The following RYR2 variants were observed in gnomAD, a reference collection of about 807,000 sequenced individuals.
RYR2 encodes the protein cardiac muscle ryanodine receptor-calcium release channel.
Under a neutral mutation model 601.1 loss-of-function variants are expected in RYR2, and 227 were observed. The ratio of observed to expected loss-of-function variants is 0.38; its 90% CI spans 0.34 to 0.42. The LOEUF is 0.42. Ranked by LOEUF, RYR2 falls within the 10% of genes least tolerant of loss-of-function variation. RYR2 has a pLI of 1.00. For missense variants in RYR2, 4,646 were observed against 6,156.5 expected (o/e 0.75, Z 8.21); for synonymous variants, 2,223 against 2,175.1 (o/e 1.02, Z -0.61).
intron 14 of RYR2, among the ~76,000 whole-genome samples, chr1:237,453,111 G>T (rs1040908505): frequency 6.6e-6 from 1 of 151,862 alleles, no homozygotes; most frequent in African/African-American, 2.4e-5. Flanking sequence ...GAGTTAATGG[G>T]GTAAAATGTT....
chr1:237,627,691 C>A, intron 40 of RYR2, 116 bp from the exon 41 acceptor site: 1 of 1,086,404 alleles, frequency 9.2e-7, no homozygotes, highest in Non-Finnish European at 1.3e-6. Context: ...AGAGCCTTTT[C>A]AAGCCTGGTA....
chr1:237,584,043 C>T (rs1453161324), intron 29 of RYR2, among the ~76,000 whole-genome samples: 2 of 152,214 alleles, frequency 1.3e-5, no homozygotes, highest in African/African-American at 4.8e-5. Context: ...ATTTAAGATC[C>T]ACTGCCAGAA....
intron 2 of RYR2, among the ~76,000 whole-genome samples, chr1:237,277,092 G>A (rs1690365921): frequency 6.6e-6 from 1 of 152,058 alleles, no homozygotes; most frequent in African/African-American, 2.4e-5. Context: ...GTTATTCCAG[G>A]AATCCAAGAA....
At chr1:237,088,880 A>G (rs986352125) in intron 1 of RYR2, among the ~76,000 whole-genome samples, 38 of 152,198 alleles carry the variant, frequency 2.5e-4, no homozygotes, top group Admixed American at 1.2e-3. Flanking sequence ...CAGAGACAAC[A>G]TTTTATTTAA....
chr1:237,821,405 G>A (rs537119707), intron 101 of RYR2, among the ~76,000 whole-genome samples: 57 of 152,262 alleles, frequency 3.7e-4, no homozygotes, highest in African/African-American at 1.3e-3. Flanking sequence ...TGGACCTCCA[G>A]CAAACTCCAG....
At chr1:237,185,035 A>G (rs1450236939) in intron 1 of RYR2, among the ~76,000 whole-genome samples, 1 of 151,970 alleles carries the variant, frequency 6.6e-6, no homozygotes, top group Non-Finnish European at 1.5e-5. Flanking sequence ...ACACCTGGCT[A>G]ATCTTATTTT....
chr1:237,672,292 C>T (rs998591679), intron 58 of RYR2, among the ~76,000 whole-genome samples: 39 of 152,104 alleles, frequency 2.6e-4, no homozygotes, highest in Non-Finnish European at 5.3e-4. Flanking sequence ...CTTTCTCTCC[C>T]CACTTCCCCC....
chr1:237,783,635 G>C lies in RYR2; in HGVS notation c.11963-40G>C, dbSNP rs1377014493. ...TATCTTCTGTATGATCACTGATTTT[G>C]TTAGTTTATTTTAAACAAATGCAAC... On this transcript the variant is annotated intron_variant, in intron 89 of 104. Coordinates refer to ENST00000366574, the MANE Select transcript of RYR2 (RefSeq NM_001035.3). 4 of 1,275,280 alleles carry C rather than the reference G, an allele frequency of 3.1e-6. No individual in the cohort carries two copies. In the Middle Eastern group the frequency reaches 5.7e-4, roughly 182 times the overall value. 79.0% of individuals were successfully genotyped at this position (1,275,280 alleles called of 1,614,324 possible). A position where few individuals can be genotyped will look rare whatever the true frequency, so the allele number is the denominator to read the frequency against.
intron 51 of RYR2, 145 bp downstream of exon 51, chr1:237,651,646 A>G: frequency 3.4e-6 from 2 of 587,722 alleles, no homozygotes; most frequent in Non-Finnish European, 6.1e-6. Flanking sequence ...AAGTTATAGG[A>G]ATGTATACAT....
At chr1:237,671,943 T>C (rs2148899439) in intron 58 of RYR2, among the ~76,000 whole-genome samples, 1 of 152,280 alleles carries the variant, frequency 6.6e-6, no homozygotes, top group South Asian at 2.1e-4. Context: ...TTTTTACTGT[T>C]TAGTATGAAT....
At chr1:237,157,049 A>C (rs1243111973) in intron 1 of RYR2, among the ~76,000 whole-genome samples, 1 of 152,136 alleles carries the variant, frequency 6.6e-6, no homozygotes, top group Non-Finnish European at 1.5e-5. Context: ...TAATCCCAGC[A>C]CTTTGGGAGG....
At chr1:237,090,825 T>A (rs1666876184) in intron 1 of RYR2, among the ~76,000 whole-genome samples, 3 of 152,016 alleles carry the variant, frequency 2.0e-5, no homozygotes, top group Admixed American at 2.0e-4. Context: ...GGGCCAAGGG[T>A]TTCAAGAGGA....
chr1:237,722,860 C>A (rs1214044938), intron 73 of RYR2, among the ~76,000 whole-genome samples: 1 of 151,252 alleles, frequency 6.6e-6, no homozygotes, highest in Admixed American at 6.6e-5. Context: ...GCATAGTTAC[C>A]TTTTGCCTGT....
Position 237,654,269 on chromosome 1 carries a change from C to T in RYR2, c.7825-5C>T, listed in dbSNP as rs1288446861. 7 of 1,612,978 alleles carry T rather than the reference C, an allele frequency of 4.3e-6. No individual in the cohort carries two copies. Among genetic ancestry groups the T allele is most frequent in the Non-Finnish European group, 5.9e-6 (7 of 1,179,530 alleles). ...CATTGCTTTTATAATTGTTTTCCCA[C>T]ATAGCTGCTGACAAATCATTATGAA... On this transcript the variant is annotated splice_region_variant and splice_polypyrimidine_tract_variant and intron_variant, in intron 51 of 104. Coordinates refer to ENST00000366574, the MANE Select transcript of RYR2 (RefSeq NM_001035.3).
chr1:237,135,172 A>T (rs540917640), intron 1 of RYR2, among the ~76,000 whole-genome samples: 2 of 152,142 alleles, frequency 1.3e-5, no homozygotes, highest in Non-Finnish European at 1.5e-5. Flanking sequence ...ATTTTCAGGT[A>T]TCTTCAGGAA....
intron 27 of RYR2, among the ~76,000 whole-genome samples, chr1:237,556,920 G>A (rs1670965264): frequency 8.5e-6 from 1 of 117,364 alleles, no homozygotes; most frequent in Non-Finnish European, 1.8e-5. Context: ...CCCTCTCAGT[G>A]GCTAAAAATA....
intron 62 of RYR2, among the ~76,000 whole-genome samples, chr1:237,681,303 C>A (rs912080697): frequency 1.3e-5 from 2 of 152,166 alleles, no homozygotes; most frequent in Admixed American, 6.5e-5. Flanking sequence ...GGAGAAAATA[C>A]AGACTTTCCT....
chr1:237,073,688 G>C (rs889577507), intron 1 of RYR2, among the ~76,000 whole-genome samples: 1 of 152,188 alleles, frequency 6.6e-6, no homozygotes. Flanking sequence ...TGGCCAACAT[G>C]GCAAAACCCC....
intron 1 of RYR2, among the ~76,000 whole-genome samples, chr1:237,205,928 G>A (rs767966188): frequency 4.6e-5 from 7 of 152,212 alleles, no homozygotes; most frequent in Non-Finnish European, 7.3e-5. Flanking sequence ...AGTCAGACCC[G>A]CGACTGGCTC....
Sources: gnomAD v4.1 joint callset for allele counts (sites outside exome capture counted in the v4.1 genomes callset) on GRCh38, gnomAD v4.1.1 for gene constraint, MANE v1.5 for transcripts, NCBI Gene and HGNC (gene_info 2026-07-23, HGNC 2026-07-21) for gene names.